Variants in ANKRD36 observed in about 807,000 individuals in gnomAD.
The protein encoded by ANKRD36 is ankyrin repeat domain 36, also known as ankyrin repeat domain-containing protein 36A.
A neutral mutation model predicts 278.1 loss-of-function variants in ANKRD36; 179 were observed. That is an observed-to-expected ratio of 0.64 (90% CI 0.57 to 0.73). ANKRD36 has a LOEUF of 0.73. ANKRD36 is among the 30% of genes least tolerant of loss of function. The pLI is 0.00. For synonymous variants in ANKRD36, 320 were observed against 641.1 expected, an observed-to-expected ratio of 0.50 and a Z score of 7.57; for missense variants, 1,159 against 1,956.7, an observed-to-expected ratio of 0.59 and a Z score of 7.69.
intron 66 of ANKRD36, among the ~76,000 whole-genome samples, chr2:97,223,605 AAATTGTAT>A (rs1263887913): frequency 8.6e-6 from 1 of 116,836 alleles, no homozygotes; most frequent in African/African-American, 3.6e-5. Flanking sequence ...GATGAGAAAT[AAATTGTAT>A]ATTTATTGGA....
chr2:97,182,693 A>G (rs1299823546), intron 26 of ANKRD36, among the ~76,000 whole-genome samples: 1 of 151,264 alleles, frequency 6.6e-6, no homozygotes, highest in Non-Finnish European at 1.5e-5. Flanking sequence ...CAAATGTCAA[A>G]GGTTATTCAT....
At chr2:97,182,816 C>T (rs1389344414) in intron 26 of ANKRD36, among the ~76,000 whole-genome samples, 1 of 151,504 alleles carries the variant, frequency 6.6e-6, no homozygotes, top group Non-Finnish European at 1.5e-5. Flanking sequence ...GATGAAGAAC[C>T]TTTCTGTAGC....
At chr2:97,194,378 T>G (rs2153574173) in intron 38 of ANKRD36, among the ~76,000 whole-genome samples, 1 of 151,812 alleles carries the variant, frequency 6.6e-6, no homozygotes, top group Non-Finnish European at 1.5e-5. Context: ...ATGTAGCACC[T>G]GTTTTGACAT....
chr2:97,202,155 T>A (rs1373813022), intron 46 of ANKRD36, 47 bp from the exon 47 acceptor site: 8 of 1,606,098 alleles, frequency 5.0e-6, no homozygotes, highest in Non-Finnish European at 6.8e-6. Flanking sequence ...ATGGAAATCT[T>A]TGTCATATTT....
At chr2:97,191,906 G>C (rs1157779222) in intron 36 of ANKRD36, among the ~76,000 whole-genome samples, 1 of 151,606 alleles carries the variant, frequency 6.6e-6, no homozygotes, top group Non-Finnish European at 1.5e-5. Context: ...AGACCAACTT[G>C]AATATGAATA....
rs1574946980 is a variant in ANKRD36, at chr2:97,149,365, G to C, written c.1101+4G>C. The C allele has an allele frequency of 5.2e-6, 8 of 1,529,292 alleles. No individual in the cohort carries two copies. The highest frequency in any genetic ancestry group is 7.0e-6 in the Non-Finnish European group (8 of 1,142,952). The allele number at this position is 1,529,292 out of a possible 1,614,324, so 94.7% of individuals were successfully genotyped here. On this transcript the variant is annotated splice_donor_region_variant and intron_variant, in intron 12 of 75. Coordinates refer to ENST00000420699, the MANE Select transcript of ANKRD36 (RefSeq NM_001354587.1). ...TGAGTTTTCTTTGGAATCTGAGGTAGAGTACTCTCTTGTGAAATTAATTTT... is the reference window on the plus strand; with the variant it reads ...TGAGTTTTCTTTGGAATCTGAGGTACAGTACTCTCTTGTGAAATTAATTTT...
intron 67 of ANKRD36, among the ~76,000 whole-genome samples, chr2:97,226,598 T>G (rs2153663532): frequency 6.6e-6 from 1 of 152,146 alleles, no homozygotes; most frequent in East Asian, 2.0e-4. Context: ...TGATGGTAGT[T>G]TCTTTTGCTG....
Position 97,206,842 on chromosome 2 carries a change from G to T in ANKRD36, c.3163+707G>T, listed in dbSNP as rs982353703. The stretch of plus-strand genomic sequence containing the variant: ...ACATGTTTTGTTGATTTTAGGTATA[G>T]AAATCAGACAAACTTGAATCTGAAT... On this transcript the variant is annotated intron_variant, in intron 52 of 75. Coordinates refer to ENST00000420699, the MANE Select transcript of ANKRD36 (RefSeq NM_001354587.1). 5.3e-5 allele frequency among the ~76,000 whole-genome samples: 8 copies of T among 151,440 alleles called. 1 individual carries two copies. Among genetic ancestry groups the T allele is most frequent in the Non-Finnish European group, 8.9e-5 (6 of 67,712 alleles).
At chr2:97,173,326 G>C (rs1425050295) in intron 22 of ANKRD36, among the ~76,000 whole-genome samples, 27 of 151,160 alleles carry the variant, frequency 1.8e-4, no homozygotes, top group Non-Finnish European at 1.8e-4. Flanking sequence ...ATAGGCTGCT[G>C]AGCCTATGAT....
At position 97,205,983 on chromosome 2, in the gene ANKRD36, A is replaced by G; in HGVS notation, c.3090+15A>G. ...CAACCTTGAAGGTAATGAAACTCCC[A>G]TTTATATTGTGAACGAGTTAATATA... On this transcript the variant is annotated intron_variant, in intron 51 of 75. Coordinates refer to ENST00000420699, the MANE Select transcript of ANKRD36 (RefSeq NM_001354587.1). 1 of 1,553,014 alleles carries G rather than the reference A, an allele frequency of 6.4e-7. No individual in the cohort carries two copies. Among genetic ancestry groups the G allele is most frequent in the Non-Finnish European group, 8.7e-7 (1 of 1,152,806 alleles).
chr2:97,165,876 T>G (rs575667429), intron 20 of ANKRD36, among the ~76,000 whole-genome samples: 1,762 of 152,194 alleles, frequency 0.012, no homozygotes, highest in African/African-American at 0.041. Context: ...AGCCTTGTCT[T>G]ATTTATACCA....
chr2:97,185,182 G>A (rs1172386717), intron 28 of ANKRD36, 134 bp from the exon 29 acceptor site: 1 of 1,257,224 alleles, frequency 8.0e-7, no homozygotes, highest in African/African-American at 1.5e-5. Flanking sequence ...TCATGTTCCA[G>A]TCCCCAGACA....
chr2:97,260,412 A>G (rs1458330670), intron 75 of ANKRD36, among the ~76,000 whole-genome samples: 1 of 131,768 alleles, frequency 7.6e-6, no homozygotes, highest in Middle Eastern at 3.5e-3. Flanking sequence ...ACATACACAT[A>G]TACACACACA....
chr2:97,227,984 G>A (rs2070474086), intron 67 of ANKRD36, among the ~76,000 whole-genome samples: 1 of 152,112 alleles, frequency 6.6e-6, no homozygotes, highest in Non-Finnish European at 1.5e-5. Flanking sequence ...CAGGGATGAA[G>A]CCCACTTGAT....
intron 6 of ANKRD36, among the ~76,000 whole-genome samples, chr2:97,129,351 T>A (rs991900582): frequency 5.9e-5 from 9 of 152,004 alleles, no homozygotes; most frequent in Admixed American, 1.3e-4. Flanking sequence ...GTTTGAGTTC[T>A]TTGTAGATTC....
At chr2:97,224,977 T>G (rs2068951808) in intron 67 of ANKRD36, 98 bp downstream of exon 67, 1 of 1,022,170 alleles carries the variant, frequency 9.8e-7, no homozygotes, top group Admixed American at 3.0e-5. Context: ...GGATTAGCCT[T>G]TTAGTATCAG....
chr2:97,192,940 A>T (rs2058860758), intron 37 of ANKRD36, 41 bp from the exon 38 acceptor site: 6 of 1,593,128 alleles, frequency 3.8e-6, no homozygotes, highest in Admixed American at 1.7e-5. Flanking sequence ...TCTATGAAAC[A>T]TACTTTATTA....
chr2:97,187,352 T>C lies in ANKRD36; in HGVS notation c.2094T>C (p.Ser698=), dbSNP rs2057631272. 2 of 1,608,692 alleles carry C rather than the reference T, an allele frequency of 1.2e-6. No homozygotes were observed. Among genetic ancestry groups the C allele is most frequent in the South Asian group, 1.1e-5 (1 of 90,284 alleles). Residue 698 remains serine, a synonymous_variant, in exon 32 of 76, where the codon TCT becomes TCC. Coordinates refer to ENST00000420699, the MANE Select transcript of ANKRD36 (RefSeq NM_001354587.1). ...ALKATTDEED[S]VSNIATEIKD... ...AGGCTACAACTGACGAGGAAGACTC[T>C]GTTTCGAATATAGCCACAGAAATAA...
At chr2:97,177,289 G>A (rs1222510271) in intron 22 of ANKRD36, among the ~76,000 whole-genome samples, 1 of 151,806 alleles carries the variant, frequency 6.6e-6, no homozygotes, top group Non-Finnish European at 1.5e-5. Context: ...TCCCCATCAA[G>A]CTACCAATGC....
Sources: allele counts gnomAD v4.1 joint callset (sites outside exome capture counted in the v4.1 genomes callset), GRCh38; gene constraint gnomAD v4.1.1; transcripts MANE v1.5; gene names NCBI Gene and HGNC (gene_info 2026-07-23, HGNC 2026-07-21).